The following IMPA2 variants were observed in gnomAD, a reference collection of about 807,000 sequenced individuals.
IMPA2 encodes the protein IMP 2.
In IMPA2, 32 loss-of-function variants were observed where a neutral mutation model predicts 35.1. That is an observed-to-expected ratio of 0.91 (90% CI 0.69 to 1.23). IMPA2 has a LOEUF of 1.23. Ranked by LOEUF, IMPA2 falls within the 50% of genes most tolerant of loss-of-function variation. The probability of loss-of-function intolerance (pLI) is 0.00; values close to 1 mark genes in which losing one functional copy is unlikely to be tolerated. For missense variants in IMPA2, 334 were observed against 387.6 expected, an observed-to-expected ratio of 0.86 and a Z score of 1.16; for synonymous variants, 135 against 160.6, an observed-to-expected ratio of 0.84 and a Z score of 1.20.
At chr18:12,029,462 C>T (rs1350938668) in intron 7 of IMPA2, among the ~76,000 whole-genome samples, 1 of 151,262 alleles carries the variant, frequency 6.6e-6, no homozygotes, top group African/African-American at 2.4e-5. Flanking sequence ...TCACTCGTCA[C>T]CCAGGCTGGA....
rs1907388078 is a variant in IMPA2, at chr18:12,009,957, C to T, written c.305C>T (p.Pro102Leu). ...LTHSPTWIID[P>L]IDGTCNFVHR... ...CACAGCCCGACGTGGATCATCGACCCCATCGACGGCACCTGCAATTTTGTG... is the reference window on the plus strand; with the variant it reads ...CACAGCCCGACGTGGATCATCGACCTCATCGACGGCACCTGCAATTTTGTG... Residue 102 changes from proline to leucine, a missense_variant, in exon 3 of 8, where the codon CCC becomes CTC. Physicochemically the swap from Pro to Leu is moderately conservative, Grantham distance 98. Transcript: ENST00000269159. 1 of 1,614,096 alleles carries T rather than the reference C, an allele frequency of 6.2e-7. No homozygotes were observed. Among genetic ancestry groups the T allele is most frequent in the Non-Finnish European group, 8.5e-7 (1 of 1,180,030 alleles).
intron 5 of IMPA2, among the ~76,000 whole-genome samples, chr18:12,020,179 T>TATTTATTG (rs554155222): frequency 1.2e-3 from 184 of 151,232 alleles, no homozygotes; most frequent in Middle Eastern, 3.4e-3. Context: ...GGCCTTTATT[T>TATTTATTG]ATTGATTGAT....
intron 5 of IMPA2, chr18:12,017,648 G>A (rs974380350): frequency 1.5e-5 from 6 of 411,154 alleles, no homozygotes; most frequent in African/African-American, 8.4e-5. Flanking sequence ...GAGTGCGGTG[G>A]TGCAGTCTTG....
In IMPA2 at chr18:11,991,841, G is replaced by GAA. The variant is rs1382445004; in HGVS notation, c.97-7212_97-7211dup. ...GCTGATGCCCTCGCAGAAACACCCA[G>GAA]AACAATTTTTTTTTTTTTTTGAGAT... On this transcript the variant is annotated intron_variant, in intron 1 of 7. Coordinates refer to ENST00000269159, the MANE Select transcript of IMPA2 (RefSeq NM_014214.3). The surrounding 1 kb of genome is among the most constrained non-coding windows in gnomAD (Gnocchi z 4.1). Among the ~76,000 whole-genome samples the GAA allele has an allele frequency of 3.1e-3, 428 of 139,886 alleles. 2 individuals are homozygous for GAA. Among genetic ancestry groups the GAA allele is most frequent in the African/African-American group, 0.012 (409 of 33,168 alleles). The allele number at this position is 139,886 out of a possible 152,430, so 91.8% of individuals were successfully genotyped here. A position where few individuals can be genotyped will look rare whatever the true frequency, so the allele number is the denominator to read the frequency against.
chr18:11,985,346 G>T (rs776404937), intron 1 of IMPA2, among the ~76,000 whole-genome samples: 2 of 151,916 alleles, frequency 1.3e-5, no homozygotes, highest in Admixed American at 6.6e-5. Flanking sequence ...CCTTTTTCTG[G>T]TTTCATACTG....
chr18:12,017,932 T>G (rs113553522), intron 5 of IMPA2: 22,027 of 146,490 alleles, frequency 0.15, 1,915 homozygotes, highest in East Asian at 0.43. Context: ...TTATACTGGG[T>G]TTTTTTTTTT....
At chr18:12,025,143 T>C (rs55849345) in intron 5 of IMPA2, among the ~76,000 whole-genome samples, 31,718 of 152,196 alleles carry the variant, frequency 0.21, 4,101 homozygotes, top group Middle Eastern at 0.36. Context: ...TGTGTAGCTT[T>C]TGAGATTGGC....
chr18:12,029,459 T>C (rs938197213), intron 7 of IMPA2, among the ~76,000 whole-genome samples: 1 of 150,330 alleles, frequency 6.7e-6, no homozygotes, highest in Non-Finnish European at 1.5e-5. Context: ...GTTTCACTCG[T>C]CACCCAGGCT....
intron 5 of IMPA2, among the ~76,000 whole-genome samples, chr18:12,019,178 AAGG>A (rs1288063630): frequency 6.6e-6 from 1 of 152,074 alleles, no homozygotes; most frequent in Non-Finnish European, 1.5e-5. Context: ...TAGTTTAAAA[AAGG>A]AGAAGTGTTT....
chr18:12,001,560 A>G (rs1041781123), intron 2 of IMPA2, among the ~76,000 whole-genome samples: 14 of 152,298 alleles, frequency 9.2e-5, no homozygotes, highest in Non-Finnish European at 2.1e-4. Flanking sequence ...TAATGTGTGC[A>G]GTTGGTTCCA....
rs567607661 is a variant in IMPA2 at position 12,022,242 on chromosome 18, A to G, written c.491-5801A>G. Among the ~76,000 whole-genome samples the G allele has an allele frequency of 2.4e-4, 36 of 152,138 alleles. 1 individual carries two copies. The East Asian group carries it at 5.8e-3, about 25-fold the overall frequency. ...ACAGAATATTTGAAATTAAAAAGAT[A>G]TACATTAGGCCGGGCCCGGTGGCTC... On this transcript the variant is annotated intron_variant, in intron 5 of 7. Coordinates refer to ENST00000269159, the MANE Select transcript of IMPA2 (RefSeq NM_014214.3).
intron 5 of IMPA2, among the ~76,000 whole-genome samples, chr18:12,023,482 G>T (rs777957834): frequency 3.3e-4 from 51 of 152,250 alleles, no homozygotes; most frequent in Non-Finnish European, 5.4e-4. Flanking sequence ...AATACCCCAG[G>T]GCACTTGGTT....
intron 2 of IMPA2, among the ~76,000 whole-genome samples, chr18:12,007,832 C>T (rs1277761077): frequency 6.6e-6 from 1 of 151,602 alleles, no homozygotes; most frequent in African/African-American, 2.4e-5. Context: ...GGCTGGAGTG[C>T]AATGGCATGA....
Position 12,009,871 on chromosome 18 carries a change from C to A in IMPA2, c.231-12C>A. The A allele has an allele frequency of 1.2e-6, 2 of 1,608,856 alleles. No homozygotes were observed. The highest frequency in any genetic ancestry group is 8.5e-7 in the Non-Finnish European group (1 of 1,175,320). On this transcript the variant is annotated splice_polypyrimidine_tract_variant and intron_variant, in intron 2 of 7. Transcript: ENST00000269159. ...TTGGTGCATTTTCTCAGGCTGGGTTCTTCCACTGCAGGTTCATTGCAGAAG... is the reference window on the plus strand; with the variant it reads ...TTGGTGCATTTTCTCAGGCTGGGTTATTCCACTGCAGGTTCATTGCAGAAG...
At chr18:12,002,238 T>C (rs2059324002) in intron 2 of IMPA2, among the ~76,000 whole-genome samples, 1 of 152,202 alleles carries the variant, frequency 6.6e-6, no homozygotes, top group African/African-American at 2.4e-5. Context: ...CCTTAAACAA[T>C]ATATTTAATT....
chr18:11,994,825 A>G (rs1598686799), intron 1 of IMPA2: 1 of 152,562 alleles, frequency 6.6e-6, no homozygotes, highest in Non-Finnish European at 1.5e-5. Context: ...ACATGGAGTG[A>G]TAAGTGCTGT....
intron 1 of IMPA2, among the ~76,000 whole-genome samples, chr18:11,992,330 A>G (rs1231361091): frequency 6.6e-6 from 1 of 152,212 alleles, no homozygotes; most frequent in African/African-American, 2.4e-5. Flanking sequence ...CACATCTCCT[A>G]TTGAAACTGC....
At chr18:12,013,023 G>T (rs664515) in intron 4 of IMPA2, among the ~76,000 whole-genome samples, 150,831 of 152,344 alleles carry the variant, frequency 0.99, 74,680 homozygotes, top group East Asian at 1. Context: ...AATGATTGAC[G>T]TCTTTCTCTG....
At chr18:12,021,019 G>A (rs1318202961) in intron 5 of IMPA2, among the ~76,000 whole-genome samples, 1 of 151,834 alleles carries the variant, frequency 6.6e-6, no homozygotes, top group Non-Finnish European at 1.5e-5. Flanking sequence ...TGGAGGGCGG[G>A]GGTGGGGGCT....
Sources: gnomAD v4.1 joint callset for allele counts (sites outside exome capture counted in the v4.1 genomes callset) on GRCh38, gnomAD v4.1.1 for gene constraint, Gnocchi (gnomAD v3.1) non-coding constraint, MANE v1.5 for transcripts, NCBI Gene and HGNC (gene_info 2026-07-23, HGNC 2026-07-21) for gene names.